SYT1: variants seen among roughly 807,000 people sequenced by gnomAD.
SYT1 encodes synaptotagmin 1.
SYT1 carries 8 observed loss-of-function variants against 44.8 expected under a neutral mutation model. That is an observed-to-expected ratio of 0.18 (90% CI 0.10 to 0.32). SYT1 has a LOEUF of 0.32. SYT1 is among the 10% of genes least tolerant of loss of function. The pLI is 1.00. For missense variants in SYT1, 286 were observed against 509.3 expected (o/e 0.56, Z 4.22); for synonymous variants, 154 against 188.8 (o/e 0.82, Z 1.51).
chr12:78,946,530 C>A (rs567155749), intron 1 of SYT1, among the ~76,000 whole-genome samples: 1 of 151,842 alleles, frequency 6.6e-6, no homozygotes. Context: ...TGGCACACAC[C>A]TGCAATCCCA....
At chr12:78,930,890 A>G (rs1169986000) in intron 1 of SYT1, among the ~76,000 whole-genome samples, 1 of 151,958 alleles carries the variant, frequency 6.6e-6, no homozygotes, top group Non-Finnish European at 1.5e-5. Flanking sequence ...TAGCTATTCC[A>G]TAAGGCTGTC....
chr12:78,925,047 T>C (rs138505241), intron 1 of SYT1, among the ~76,000 whole-genome samples: 2 of 152,032 alleles, frequency 1.3e-5, no homozygotes, highest in East Asian at 3.9e-4. Context: ...TATATATTTA[T>C]ACATGTTTAT....
rs548799957 is a variant in SYT1 at position 79,119,231 on chromosome 12, C to T, written c.-18+71869C>T. 3.9e-5 allele frequency among the ~76,000 whole-genome samples: 6 copies of T among 152,278 alleles called. No individual in the cohort carries two copies. In the South Asian group the frequency reaches 1.2e-3, roughly 32 times the overall value. On this transcript the variant is annotated intron_variant, in intron 3 of 10. Coordinates refer to ENST00000261205, the MANE Select transcript of SYT1 (RefSeq NM_005639.3). ...AGGTCCTCCTGCCTTCAGTTTTAGC[C>T]TCCTGAACTTTGTCCTCCATACTAC... is the stretch of plus-strand genomic sequence containing the variant.
At chr12:79,407,549 G>T (rs1885287031) in intron 9 of SYT1, among the ~76,000 whole-genome samples, 2 of 152,076 alleles carry the variant, frequency 1.3e-5, no homozygotes, top group African/African-American at 4.8e-5. Flanking sequence ...CATTGGGATA[G>T]CTCTGATCGT....
chr12:79,198,535 A>T (rs1316543971), intron 3 of SYT1, among the ~76,000 whole-genome samples: 1 of 152,230 alleles, frequency 6.6e-6, no homozygotes, highest in East Asian at 1.9e-4. Context: ...TATTTTATTG[A>T]TATAAGTGGT....
At chr12:79,431,518 T>TTATG (rs1252016495) in intron 9 of SYT1, among the ~76,000 whole-genome samples, 2 of 142,376 alleles carry the variant, frequency 1.4e-5, no homozygotes, top group Non-Finnish European at 3.1e-5. Context: ...ATTTTATTAT[T>TTATG]TATTTATTTA....
intron 8 of SYT1, among the ~76,000 whole-genome samples, chr12:79,326,499 A>G (rs1444369830): frequency 3.9e-5 from 6 of 152,168 alleles, no homozygotes; most frequent in Non-Finnish European, 5.9e-5. Context: ...TATTACAGCA[A>G]ACTTAGGGGG....
intron 3 of SYT1, among the ~76,000 whole-genome samples, chr12:79,164,483 C>A (rs1244986784): frequency 2.6e-5 from 4 of 152,010 alleles, no homozygotes; most frequent in African/African-American, 9.7e-5. Flanking sequence ...TCAGGCTTTG[C>A]TGTCATGAGA....
intron 4 of SYT1, among the ~76,000 whole-genome samples, chr12:79,265,562 A>C (rs1245662519): frequency 2.6e-5 from 4 of 152,182 alleles, no homozygotes; most frequent in African/African-American, 9.6e-5. Context: ...GAGACACAAA[A>C]GAATGCCAGA....
At chr12:79,329,139 C>T (rs1487154029) in intron 8 of SYT1, among the ~76,000 whole-genome samples, 5 of 152,144 alleles carry the variant, frequency 3.3e-5, no homozygotes, top group Non-Finnish European at 7.4e-5. Flanking sequence ...ACTGTGTTAT[C>T]CAAGCACAAG....
intron 4 of SYT1, among the ~76,000 whole-genome samples, chr12:79,230,204 T>C (rs569510472): frequency 6.6e-6 from 1 of 152,220 alleles, no homozygotes. Context: ...TATGAATACA[T>C]GGAATAGTCT....
intron 5 of SYT1, 75 bp downstream of exon 5, chr12:79,286,046 A>T: frequency 6.7e-7 from 1 of 1,481,774 alleles, no homozygotes; most frequent in Non-Finnish European, 9.0e-7. Context: ...ATGCCATATA[A>T]TTACAGAAAT....
At chr12:79,369,470 C>T (rs1015635079) in intron 9 of SYT1, among the ~76,000 whole-genome samples, 5 of 151,880 alleles carry the variant, frequency 3.3e-5, no homozygotes, top group African/African-American at 1.2e-4. Flanking sequence ...GACTCTGCCT[C>T]AAAAAGAAAA....
intron 3 of SYT1, among the ~76,000 whole-genome samples, chr12:79,081,140 A>G (rs962068369): frequency 1.3e-5 from 2 of 152,154 alleles, no homozygotes; most frequent in African/African-American, 4.8e-5. Context: ...GAAGAGCTAT[A>G]TGTTATATCA....
intron 8 of SYT1, among the ~76,000 whole-genome samples, chr12:79,335,210 A>C (rs1022072958): frequency 5.9e-5 from 9 of 152,128 alleles, no homozygotes; most frequent in Admixed American, 4.6e-4. Flanking sequence ...CCTTTCAACT[A>C]GATCTTTCTT....
chr12:79,051,845 C>T (rs995305692), intron 3 of SYT1, among the ~76,000 whole-genome samples: 24 of 151,934 alleles, frequency 1.6e-4, no homozygotes, highest in South Asian at 6.2e-4. Context: ...TGTAGATATG[C>T]GGCATTATTT....
At chr12:79,294,444 T>G (rs1879782196) in intron 6 of SYT1, among the ~76,000 whole-genome samples, 1 of 152,126 alleles carries the variant, frequency 6.6e-6, no homozygotes, top group South Asian at 2.1e-4. Flanking sequence ...ATCAAATATA[T>G]GTTTACCAAA....
chr12:79,307,557 AGACTTCCG>A (rs917470805), intron 8 of SYT1, among the ~76,000 whole-genome samples: 1 of 147,958 alleles, frequency 6.8e-6, no homozygotes, highest in Non-Finnish European at 1.5e-5. Flanking sequence ...TGAAATTTGC[AGACTTCCG>A]GGGCGCCTGG....
intron 1 of SYT1, among the ~76,000 whole-genome samples, chr12:78,877,656 T>C (rs999804458): frequency 7.0e-6 from 1 of 142,724 alleles, no homozygotes; most frequent in South Asian, 2.1e-4. Context: ...AATCTAACAA[T>C]GTATAACAGC....
Sources: allele counts gnomAD v4.1 joint callset (sites outside exome capture counted in the v4.1 genomes callset), GRCh38; gene constraint gnomAD v4.1.1; transcripts MANE v1.5; gene names NCBI Gene and HGNC (gene_info 2026-07-23, HGNC 2026-07-21).